NTNG2: variants seen among roughly 807,000 people sequenced by gnomAD.
NTNG2 encodes netrin-G2.
In NTNG2, 15 loss-of-function variants were observed where a neutral mutation model predicts 47.6. That is an observed-to-expected ratio of 0.32 (90% CI 0.21 to 0.49). NTNG2 has a LOEUF of 0.49. NTNG2 is among the 20% of genes least tolerant of loss of function. NTNG2 has a pLI of 0.99. For missense variants in NTNG2, 578 were observed against 764.6 expected, an observed-to-expected ratio of 0.76 and a Z score of 2.88; for synonymous variants, 307 against 324.6, an observed-to-expected ratio of 0.95 and a Z score of 0.58.
intron 3 of NTNG2, among the ~76,000 whole-genome samples, chr9:132,203,348 T>A (rs1471124501): frequency 6.6e-6 from 1 of 151,778 alleles, no homozygotes; most frequent in African/African-American, 2.4e-5. Flanking sequence ...TCTAAAAAAA[T>A]AATAATAATA....
At chr9:132,241,608 T>A in intron 7 of NTNG2, 1 of 481,342 alleles carries the variant, frequency 2.1e-6, no homozygotes, top group Non-Finnish European at 3.7e-6. Context: ...TGCACAGCTC[T>A]GGAGACTGCA....
chr9:132,242,412 G>A lies in NTNG2; in HGVS notation c.*301G>A, dbSNP rs1455225737. The A allele has an allele frequency of 3.4e-5, 5 of 148,008 alleles. No homozygotes were observed. Among genetic ancestry groups the A allele is most frequent in the Admixed American group, 6.8e-5 (1 of 14,776 alleles). 9.2% of individuals were successfully genotyped at this position (148,008 alleles called of 1,614,324 possible). On this transcript the variant is annotated 3_prime_UTR_variant, in exon 8 of 8. Transcript: ENST00000393229. This position sits in a 1 kb window ranked among gnomAD's most constrained non-coding sequence, Gnocchi z 5.9. ...CTCTTTTTTTTTTTTTTTTTCTGGC[G>A]GTGAGCCAGAGGGTCGGGAGAAACG...
chr9:132,210,111 G>A (rs1839483091), intron 3 of NTNG2, among the ~76,000 whole-genome samples: 1 of 152,084 alleles, frequency 6.6e-6, no homozygotes, highest in African/African-American at 2.4e-5. Context: ...CACCCTGGTG[G>A]CTCACAGAAG....
intron 3 of NTNG2, among the ~76,000 whole-genome samples, chr9:132,210,358 C>T (rs1190324302): frequency 1.3e-5 from 2 of 152,160 alleles, no homozygotes; most frequent in East Asian, 1.9e-4. Flanking sequence ...TTGAAGGAGT[C>T]GGTATTTTGT....
chr9:132,178,991 G>A (rs1418463926), intron 2 of NTNG2, among the ~76,000 whole-genome samples: 1 of 136,820 alleles, frequency 7.3e-6, no homozygotes, highest in Non-Finnish European at 1.6e-5. Flanking sequence ...AACTACTGAT[G>A]AGGCACATCC....
intron 6 of NTNG2, among the ~76,000 whole-genome samples, chr9:132,240,096 C>T (rs1488098503): frequency 1.3e-5 from 2 of 152,270 alleles, no homozygotes; most frequent in Admixed American, 1.3e-4. Flanking sequence ...TGTCCCCCAA[C>T]CCTGCCCAGC....
rs1238633522 is a variant in NTNG2, at chr9:132,182,327, T to A, written c.213+15283T>A. On this transcript the variant is annotated intron_variant, in intron 2 of 7. Transcript: ENST00000393229. The surrounding 1 kb of genome is among the most constrained non-coding windows in gnomAD (Gnocchi z 4.2). ...GTGGAGGGTGCAGGGGGTGGAGGAG[T>A]GTGCTGTCTGCCAAGGGAGGGCTCC... Among the ~76,000 whole-genome samples the A allele has an allele frequency of 1.3e-5, 2 of 150,718 alleles. No individual in the cohort carries two copies. Among genetic ancestry groups the A allele is most frequent in the African/African-American group, 4.9e-5 (2 of 40,870 alleles).
chr9:132,230,593 G>C lies in NTNG2; in HGVS notation c.1052G>C (p.Gly351Ala). 1 of 1,605,186 alleles carries C rather than the reference G, an allele frequency of 6.2e-7. No individual in the cohort carries two copies. Among genetic ancestry groups the C allele is most frequent in the Non-Finnish European group, 8.5e-7 (1 of 1,175,996 alleles). Residue 351 changes from glycine (G) to alanine (A), a missense_variant and splice_region_variant, in exon 5 of 8, where the codon GGC (glycine) becomes GCC (alanine). Transcript: ENST00000393229. ...ACAGGTGCCACTGCAGGTTCCTTTG[G>C]CAGTAAGTACACGCCTGGGGAGGGT... ...PNACATAGSF[G>A]NCECYGHSNR...
intron 3 of NTNG2, among the ~76,000 whole-genome samples, chr9:132,204,808 G>T (rs1238129640): frequency 6.6e-6 from 1 of 152,180 alleles, no homozygotes; most frequent in African/African-American, 2.4e-5. Context: ...GGGTGTGGTG[G>T]CTCGTGCCTG....
chr9:132,202,603 A>C (rs1838856819), intron 3 of NTNG2, among the ~76,000 whole-genome samples: 1 of 152,226 alleles, frequency 6.6e-6, no homozygotes, highest in Non-Finnish European at 1.5e-5. Flanking sequence ...CAGACTGTGC[A>C]GCAAATCTGG....
intron 2 of NTNG2, among the ~76,000 whole-genome samples, chr9:132,196,445 G>A (rs11243662): frequency 0.54 from 81,999 of 152,010 alleles, 24,105 homozygotes; most frequent in African/African-American, 0.79. Flanking sequence ...TGCCCGCCTC[G>A]GCCTCCCAAA....
intron 3 of NTNG2, among the ~76,000 whole-genome samples, chr9:132,205,895 T>C (rs1237861366): frequency 2.6e-5 from 4 of 151,806 alleles, no homozygotes; most frequent in African/African-American, 9.7e-5. Context: ...GAAAAAAACA[T>C]GGTAAGGTGA....
At chr9:132,207,500 T>A (rs1353694010) in intron 3 of NTNG2, among the ~76,000 whole-genome samples, 1 of 152,220 alleles carries the variant, frequency 6.6e-6, no homozygotes, top group Admixed American at 6.5e-5. Context: ...TGTCTCTTCC[T>A]ACAGGGACAC....
At chr9:132,202,586 C>T (rs970096653) in intron 3 of NTNG2, among the ~76,000 whole-genome samples, 1 of 152,212 alleles carries the variant, frequency 6.6e-6, no homozygotes. Flanking sequence ...TGGAGAGTGG[C>T]TGGCTTCAGA....
At chr9:132,195,748 C>T (rs1260406320) in intron 2 of NTNG2, among the ~76,000 whole-genome samples, 1 of 151,524 alleles carries the variant, frequency 6.6e-6, no homozygotes, top group Non-Finnish European at 1.5e-5. Context: ...CCAGCCCCAG[C>T]CTCCCAAGTA....
chr9:132,230,691 G>A (rs1004456992), intron 5 of NTNG2, 96 bp downstream of exon 5: 2 of 1,321,034 alleles, frequency 1.5e-6, no homozygotes, highest in Admixed American at 2.0e-5. Context: ...GGGCTTCAGT[G>A]TCCCCTCTGG....
intron 3 of NTNG2, among the ~76,000 whole-genome samples, chr9:132,216,428 ATG>A (rs10578395): frequency 0.019 from 1,640 of 87,610 alleles, 15 homozygotes; most frequent in East Asian, 0.033. Flanking sequence ...GTGTGTGTGT[ATG>A]TGTGTGTGTG....
rs1323511745 is a variant in NTNG2, at chr9:132,198,295, G to A, written c.543G>A (p.Arg181=). 1 of 1,612,868 alleles carries A rather than the reference G, an allele frequency of 6.2e-7. No individual in the cohort carries two copies. The highest frequency in any genetic ancestry group is 8.5e-7 in the Non-Finnish European group (1 of 1,179,946). Residue 181 remains arginine, a synonymous_variant, in exon 3 of 8, where the codon CGG becomes CGA. Transcript: ENST00000393229. ...AGGCCTTCGGTATGTCCGCCCGCCGGGCCCGCGACATGTCATCCTCCAGCG... is the reference window on the plus strand; with the variant it reads ...AGGCCTTCGGTATGTCCGCCCGCCGAGCCCGCGACATGTCATCCTCCAGCG... ...CMEAFGMSAR[R]ARDMSSSSAH...
intron 2 of NTNG2, among the ~76,000 whole-genome samples, chr9:132,191,728 C>T (rs984009216): frequency 5.3e-5 from 8 of 152,148 alleles, no homozygotes; most frequent in African/African-American, 9.7e-5. Flanking sequence ...CCCGCCGCTA[C>T]ACCCGGCTAA....
Sources: gnomAD v4.1 joint callset for allele counts (sites outside exome capture counted in the v4.1 genomes callset) on GRCh38, gnomAD v4.1.1 for gene constraint, Gnocchi (gnomAD v3.1) non-coding constraint, MANE v1.5 for transcripts, NCBI Gene and HGNC (gene_info 2026-07-23, HGNC 2026-07-21) for gene names.